Variants in RASGRF2 observed in about 807,000 individuals in gnomAD.
RASGRF2 encodes the protein Ras protein specific guanine nucleotide releasing factor 2.
Under a neutral mutation model 151.0 loss-of-function variants are expected in RASGRF2, and 76 were observed. That is an observed-to-expected ratio of 0.50 (90% CI 0.42 to 0.61). The LOEUF (loss-of-function observed/expected upper bound fraction) is 0.61, where lower values mean the gene tolerates loss of function less well. Ranked by LOEUF, RASGRF2 falls within the 20% of genes least tolerant of loss-of-function variation. RASGRF2 has a pLI of 0.00. For missense variants in RASGRF2, 1,148 were observed against 1,564.6 expected (o/e 0.73, Z 4.49); for synonymous variants, 504 against 566.5 (o/e 0.89, Z 1.57).
intron 16 of RASGRF2, 121 bp downstream of exon 16, chr5:81,123,888 T>C: frequency 7.7e-7 from 1 of 1,299,764 alleles, no homozygotes; most frequent in Non-Finnish European, 1.0e-6. Flanking sequence ...TTATTGAAAA[T>C]TAATTGGAAG....
intron 12 of RASGRF2, among the ~76,000 whole-genome samples, chr5:81,098,740 A>T (rs907340173): frequency 4.1e-4 from 62 of 152,260 alleles, no homozygotes; most frequent in African/African-American, 1.5e-3. Flanking sequence ...CTCTTGACTG[A>T]GCCTAGCCTG....
At position 81,086,899 on chromosome 5, in the gene RASGRF2, A is replaced by G. The variant is rs781663216; in HGVS notation, c.1336A>G (p.Ile446Val). ...IRKNLAIERM[I>V]VEGCDILLDT... is the part of the protein sequence containing the mutation. ...GAAAAACCTTGCCATCGAAAGAATG[A>G]TCGTGGAGGGCTGTGACATCTTGCT... Residue 446 changes from isoleucine (I) to valine (V), a missense_variant, in exon 9 of 27, where the codon ATC becomes GTC. Transcript: ENST00000265080. The G allele has an allele frequency of 3.7e-6, 6 of 1,614,246 alleles. No individual in the cohort carries two copies. Among genetic ancestry groups the G allele is most frequent in the Admixed American group, 1.7e-5 (1 of 60,032 alleles).
intron 17 of RASGRF2, among the ~76,000 whole-genome samples, chr5:81,178,358 C>A (rs188308840): frequency 1.4e-3 from 218 of 152,226 alleles, no homozygotes; most frequent in African/African-American, 4.9e-3. Flanking sequence ...CTAGGGAACA[C>A]TAGAAGAAGA....
intron 18 of RASGRF2, among the ~76,000 whole-genome samples, chr5:81,186,955 C>T (rs1362137427): frequency 6.6e-6 from 1 of 152,278 alleles, no homozygotes; most frequent in Non-Finnish European, 1.5e-5. Flanking sequence ...GGGATTAATG[C>T]CACTTTTTCC....
intron 1 of RASGRF2, among the ~76,000 whole-genome samples, chr5:80,976,841 T>C (rs1748130372): frequency 6.6e-6 from 1 of 152,194 alleles, no homozygotes; most frequent in Admixed American, 6.5e-5. Flanking sequence ...ATGCTACCAC[T>C]TTCTGGCCAC....
rs1747508851 is a variant in RASGRF2, at chr5:80,960,551, G to C, written c.-188G>C. 1 of 389,276 alleles carries C rather than the reference G, an allele frequency of 2.6e-6. No homozygotes were observed. The highest frequency in any genetic ancestry group is 1.3e-4 in the South Asian group (1 of 7,690). 24.1% of individuals were successfully genotyped at this position (389,276 alleles called of 1,614,324 possible). On this transcript the variant is annotated 5_prime_UTR_variant, in exon 1 of 27. Coordinates refer to ENST00000265080, the MANE Select transcript of RASGRF2 (RefSeq NM_006909.3). This position sits in a 1 kb window ranked among gnomAD's most constrained non-coding sequence, Gnocchi z 5.5. The stretch of plus-strand genomic sequence containing the variant: ...GGAGAGCGTGCCTCGGCCCCAGCCC[G>C]CGCCCCTGCCACCGCGCGCCGCGGC...
chr5:80,996,726 A>G (rs1748896810), intron 1 of RASGRF2, among the ~76,000 whole-genome samples: 1 of 150,172 alleles, frequency 6.7e-6, no homozygotes, highest in African/African-American at 2.5e-5. Flanking sequence ...CAGGCTCCCA[A>G]GTAGCTGGGA....
At chr5:81,052,614 A>G (rs1751048534) in intron 2 of RASGRF2, among the ~76,000 whole-genome samples, 1 of 152,208 alleles carries the variant, frequency 6.6e-6, no homozygotes. Context: ...TTAGGACCTC[A>G]TGTTAATGTG....
chr5:81,106,430 T>G (rs1752848418), intron 12 of RASGRF2, among the ~76,000 whole-genome samples: 1 of 152,178 alleles, frequency 6.6e-6, no homozygotes, highest in Non-Finnish European at 1.5e-5. Flanking sequence ...GAGGTCAGTT[T>G]AGATCTTTCA....
At chr5:81,160,859 A>C (rs1580369240) in intron 17 of RASGRF2, among the ~76,000 whole-genome samples, 1 of 152,174 alleles carries the variant, frequency 6.6e-6, no homozygotes, top group East Asian at 1.9e-4. Context: ...TGACAGAACA[A>C]GACCCTGTCC....
At chr5:81,070,884 TA>T (rs1751753949) in intron 4 of RASGRF2, among the ~76,000 whole-genome samples, 2 of 152,218 alleles carry the variant, frequency 1.3e-5, no homozygotes, top group South Asian at 4.1e-4. Flanking sequence ...TTTGGGGGAA[TA>T]TTTTTTAAAT....
chr5:81,151,434 G>C (rs1580361466), intron 17 of RASGRF2, among the ~76,000 whole-genome samples: 1 of 150,676 alleles, frequency 6.6e-6, no homozygotes, highest in Admixed American at 6.6e-5. Flanking sequence ...ACCCAGGCTG[G>C]AGTGCAGTGG....
chr5:81,062,016 A>AAAAAAC (rs1561585813), intron 2 of RASGRF2, among the ~76,000 whole-genome samples: 4 of 126,306 alleles, frequency 3.2e-5, no homozygotes, highest in Admixed American at 8.3e-5. Context: ...AAAAAAAAAA[A>AAAAAAC]AAAAAAAACT....
chr5:81,143,599 A>G (rs1188528873), intron 17 of RASGRF2, among the ~76,000 whole-genome samples: 6 of 152,218 alleles, frequency 3.9e-5, no homozygotes, highest in African/African-American at 1.4e-4. Flanking sequence ...ATCATCATAT[A>G]AGATTAAAAA....
At chr5:81,005,214 A>G (rs489265) in intron 1 of RASGRF2, among the ~76,000 whole-genome samples, 76,128 of 152,036 alleles carry the variant, frequency 0.5, 20,073 homozygotes, top group Middle Eastern at 0.7. Context: ...TTTAGAAGGG[A>G]AAGAGGTTTA....
At chr5:81,116,350 T>C (rs1338172576) in intron 15 of RASGRF2, among the ~76,000 whole-genome samples, 1 of 152,158 alleles carries the variant, frequency 6.6e-6, no homozygotes, top group Non-Finnish European at 1.5e-5. Context: ...CCCAAAGTGC[T>C]GGGATTACAG....
At chr5:81,104,258 T>C (rs559034532) in intron 12 of RASGRF2, among the ~76,000 whole-genome samples, 29 of 152,198 alleles carry the variant, frequency 1.9e-4, no homozygotes, top group African/African-American at 6.0e-4. Flanking sequence ...CATTCTTTTA[T>C]GTATATTTGA....
intron 18 of RASGRF2, among the ~76,000 whole-genome samples, chr5:81,196,596 G>A (rs1228736951): frequency 1.3e-5 from 2 of 151,966 alleles, no homozygotes; most frequent in Non-Finnish European, 2.9e-5. Flanking sequence ...GCCATCCTGG[G>A]GCCCCAGAAG....
chr5:81,145,243 T>TA (rs2112608816), intron 17 of RASGRF2, among the ~76,000 whole-genome samples: 1 of 151,058 alleles, frequency 6.6e-6, no homozygotes, highest in South Asian at 2.1e-4. Context: ...AAATGAAAAA[T>TA]AAAAAAAATA....
Sources: gnomAD v4.1 joint callset for allele counts (sites outside exome capture counted in the v4.1 genomes callset) on GRCh38, gnomAD v4.1.1 for gene constraint, Gnocchi (gnomAD v3.1) non-coding constraint, MANE v1.5 for transcripts, NCBI Gene and HGNC (gene_info 2026-07-23, HGNC 2026-07-21) for gene names.